The following SAXO1 variants were observed in gnomAD, a reference collection of about 807,000 sequenced individuals.
SAXO1 encodes the protein stabilizer of axonemal microtubules 1.
Under a neutral mutation model 17.5 loss-of-function variants are expected in SAXO1, and 21 were observed. The ratio of observed to expected loss-of-function variants is 1.20; its 90% CI spans 0.85 to 1.72. The LOEUF (loss-of-function observed/expected upper bound fraction) is 1.72. Among genes scored for constraint, SAXO1 ranks in the 40% most tolerant of loss-of-function variants. The pLI, the probability that SAXO1 is intolerant of heterozygous loss-of-function variation, is 0.00. For synonymous variants in SAXO1, 274 were observed against 216.5 expected (o/e 1.27, Z -2.33); for missense variants, 843 against 596.0 (o/e 1.41, Z -4.32).
At chr9:18,974,324 G>A (rs1833054049) in intron 1 of SAXO1, among the ~76,000 whole-genome samples, 1 of 152,206 alleles carries the variant, frequency 6.6e-6, no homozygotes, top group Non-Finnish European at 1.5e-5. Context: ...CAGAGATACG[G>A]AAACAGTTAT....
intron 1 of SAXO1, among the ~76,000 whole-genome samples, chr9:19,012,060 G>A (rs1289931973): frequency 6.6e-6 from 1 of 151,862 alleles, no homozygotes; most frequent in African/African-American, 2.4e-5. Context: ...TGGCCAGGAT[G>A]GTCTCGATCT....
intron 1 of SAXO1, among the ~76,000 whole-genome samples, chr9:18,989,438 G>C (rs1452830479): frequency 6.6e-6 from 1 of 152,048 alleles, no homozygotes. Context: ...TGCTCAAATA[G>C]CCATAGTTAC....
At chr9:19,015,023 C>A (rs534989097) in intron 1 of SAXO1, among the ~76,000 whole-genome samples, 12 of 152,082 alleles carry the variant, frequency 7.9e-5, no homozygotes, top group Non-Finnish European at 1.5e-5. Flanking sequence ...AGCTAAAAAA[C>A]GAGAGAGAGT....
At chr9:19,020,538 T>C (rs116486314) in intron 1 of SAXO1, among the ~76,000 whole-genome samples, 50 of 152,246 alleles carry the variant, frequency 3.3e-4, no homozygotes, top group African/African-American at 1.1e-3. Context: ...GTTGTATTTT[T>C]TGTAGAAACA....
chr9:18,986,234 T>C (rs1833587973), intron 1 of SAXO1, among the ~76,000 whole-genome samples: 1 of 152,196 alleles, frequency 6.6e-6, no homozygotes, highest in Non-Finnish European at 1.5e-5. Flanking sequence ...ATTTAACAAA[T>C]AATGGCATGG....
intron 1 of SAXO1, among the ~76,000 whole-genome samples, chr9:18,958,975 G>C (rs768928415): frequency 6.6e-6 from 1 of 152,136 alleles, no homozygotes; most frequent in Non-Finnish European, 1.5e-5. Flanking sequence ...TCTGTCACAG[G>C]GATCAAACAA....
intron 1 of SAXO1, chr9:19,026,828 A>C (rs969719387): frequency 1.4e-5 from 8 of 557,686 alleles, no homozygotes; most frequent in Non-Finnish European, 2.4e-5. Context: ...CAGGAGTTCA[A>C]GACCAGCCTG....
At chr9:18,994,811 G>T (rs1043222109) in intron 1 of SAXO1, among the ~76,000 whole-genome samples, 1 of 152,174 alleles carries the variant, frequency 6.6e-6, no homozygotes, top group Non-Finnish European at 1.5e-5. Flanking sequence ...TAACCCCCAG[G>T]ATGCAATCTG....
intron 3 of SAXO1, among the ~76,000 whole-genome samples, chr9:18,931,233 C>A (rs1290013832): frequency 1.3e-5 from 2 of 152,182 alleles, no homozygotes; most frequent in Non-Finnish European, 2.9e-5. Context: ...TATAACTGCG[C>A]ATTTTTTGGA....
chr9:18,966,568 G>C (rs564797326), intron 1 of SAXO1, among the ~76,000 whole-genome samples: 57 of 152,188 alleles, frequency 3.7e-4, no homozygotes, highest in African/African-American at 1.1e-3. Context: ...CCAAGCTCTT[G>C]TGCTGTGTTC....
At chr9:19,022,939 C>A (rs1458321231) in intron 1 of SAXO1, among the ~76,000 whole-genome samples, 1 of 152,062 alleles carries the variant, frequency 6.6e-6, no homozygotes, top group African/African-American at 2.4e-5. Context: ...TGAAGACTTG[C>A]AAAGTTCAAA....
chr9:19,049,276 T>C lies in SAXO1; in HGVS notation c.-225A>G, dbSNP rs1052969365. 4 of 182,306 alleles carry C rather than the reference T, an allele frequency of 2.2e-5. No individual in the cohort carries two copies. The highest frequency in any genetic ancestry group is 9.5e-5 in the African/African-American group (4 of 41,968). 11.3% of individuals were successfully genotyped at this position (182,306 alleles called of 1,614,324 possible). On this transcript the variant is annotated 5_prime_UTR_variant, in exon 1 of 4. Coordinates refer to the SAXO1 transcript ENST00000542071. This position sits in a 1 kb window ranked among gnomAD's most constrained non-coding sequence, Gnocchi z 5.4. ...AAGTCCTCGAGCTTCCCTTCCATCT[T>C]AGGGCTCACGCCGCCCCGGTTAGGT...
upstream of SAXO1, among the ~76,000 whole-genome samples, chr9:19,034,978 T>A (rs1290455468): frequency 1.3e-5 from 2 of 151,690 alleles, no homozygotes; most frequent in African/African-American, 2.4e-5. Context: ...ACTTCCTCCA[T>A]CCATGCCCTC....
chr9:18,931,865 T>A (rs1016021602), intron 3 of SAXO1, among the ~76,000 whole-genome samples: 3 of 152,224 alleles, frequency 2.0e-5, no homozygotes, highest in African/African-American at 7.2e-5. Flanking sequence ...AATTAGATTG[T>A]CTTCTTATTG....
chr9:18,948,663 C>G (rs535444263), intron 2 of SAXO1, among the ~76,000 whole-genome samples: 8 of 152,270 alleles, frequency 5.3e-5, no homozygotes, highest in Non-Finnish European at 1.2e-4. Context: ...GGAGTTGCAT[C>G]TGGGGGCCTC....
At chr9:19,009,304 A>G (rs1834622710) in intron 1 of SAXO1, among the ~76,000 whole-genome samples, 2 of 152,206 alleles carry the variant, frequency 1.3e-5, no homozygotes, top group Non-Finnish European at 2.9e-5. Flanking sequence ...TTTCAAAACT[A>G]AGTCACCCCA....
intron 1 of SAXO1, among the ~76,000 whole-genome samples, chr9:18,958,734 G>A (rs558007891): frequency 1.3e-5 from 2 of 152,120 alleles, no homozygotes; most frequent in Admixed American, 1.3e-4. Context: ...GTGCAGGAAG[G>A]GAAAGGAAGA....
chr9:18,968,781 A>G (rs1029009854), intron 1 of SAXO1, among the ~76,000 whole-genome samples: 7 of 152,052 alleles, frequency 4.6e-5, no homozygotes, highest in African/African-American at 1.7e-4. Context: ...TTTAGTAGAG[A>G]TGGGGCTTCC....
At chr9:18,975,070 C>T (rs181728621) in intron 1 of SAXO1, among the ~76,000 whole-genome samples, 25 of 152,108 alleles carry the variant, frequency 1.6e-4, no homozygotes, top group East Asian at 3.9e-4. Flanking sequence ...GCTTCAAAGG[C>T]GGTAATACTT....
Sources: allele counts gnomAD v4.1 joint callset (sites outside exome capture counted in the v4.1 genomes callset), GRCh38; gene constraint gnomAD v4.1.1; non-coding constraint Gnocchi (gnomAD v3.1); transcripts MANE v1.5; gene names NCBI Gene and HGNC (gene_info 2026-07-23, HGNC 2026-07-21).